Variants in RALYL observed in about 807,000 individuals in gnomAD.
RALYL encodes RALY RNA binding protein like, also known as RNA-binding Raly-like protein.
Under a neutral mutation model 35.1 loss-of-function variants are expected in RALYL, and 29 were observed. The observed-to-expected ratio is 0.83, with a 90% CI of 0.61 to 1.13. The LOEUF is 1.13. RALYL is among the 50% of genes most tolerant of loss of function. RALYL has a pLI of 0.00. For missense variants in RALYL, 359 were observed against 360.4 expected, an observed-to-expected ratio of 1.00 and a Z score of 0.03; for synonymous variants, 120 against 127.6, an observed-to-expected ratio of 0.94 and a Z score of 0.40.
At chr8:84,830,627 T>G (rs1429630017) in intron 4 of RALYL, among the ~76,000 whole-genome samples, 1 of 152,182 alleles carries the variant, frequency 6.6e-6, no homozygotes, top group Admixed American at 6.6e-5. Context: ...GTAAATAATA[T>G]TTATATGGTT....
At chr8:84,698,447 T>C (rs943747164) in intron 2 of RALYL, among the ~76,000 whole-genome samples, 2 of 152,138 alleles carry the variant, frequency 1.3e-5, no homozygotes, top group Non-Finnish European at 2.9e-5. Flanking sequence ...ATATATTCTT[T>C]GAAGCAGAAT....
At chr8:84,365,548 CAGCACTGCCACTGATATCT>C (rs1160682879) in intron 1 of RALYL, among the ~76,000 whole-genome samples, 2 of 152,166 alleles carry the variant, frequency 1.3e-5, no homozygotes, top group Admixed American at 6.6e-5. Context: ...AAATTACTGG[CAGCACTGCCACTGATATCT>C]AGCACTACCA....
At chr8:84,473,232 A>C (rs1262472171) in intron 1 of RALYL, among the ~76,000 whole-genome samples, 1 of 152,012 alleles carries the variant, frequency 6.6e-6, no homozygotes, top group African/African-American at 2.4e-5. Flanking sequence ...TTTAAATTAC[A>C]TATGTAAAAG....
intron 2 of RALYL, among the ~76,000 whole-genome samples, chr8:84,638,287 A>C (rs1480759757): frequency 6.6e-6 from 1 of 151,974 alleles, no homozygotes; most frequent in Non-Finnish European, 1.5e-5. Context: ...CAACCTATCA[A>C]AACTTCTGGG....
chr8:84,895,469 G>T (rs2135504813), intron 8 of RALYL, among the ~76,000 whole-genome samples: 1 of 151,724 alleles, frequency 6.6e-6, no homozygotes, highest in Non-Finnish European at 1.5e-5. Context: ...CGTTTTTATT[G>T]TAGGGCATTT....
chr8:84,198,828 C>T (rs541466262), intron 1 of RALYL, among the ~76,000 whole-genome samples: 11 of 152,172 alleles, frequency 7.2e-5, no homozygotes, highest in African/African-American at 2.7e-4. Context: ...GACAGGAACT[C>T]ATTCTTTTCT....
intron 2 of RALYL, among the ~76,000 whole-genome samples, chr8:84,722,960 A>G (rs953800115): frequency 1.3e-5 from 2 of 151,934 alleles, no homozygotes; most frequent in Admixed American, 6.6e-5. Flanking sequence ...GAAATTTCAC[A>G]GGACACAAAA....
At chr8:84,615,182 T>C (rs759026431) in intron 2 of RALYL, among the ~76,000 whole-genome samples, 1 of 151,770 alleles carries the variant, frequency 6.6e-6, no homozygotes, top group African/African-American at 2.4e-5. Flanking sequence ...CTAAAATGAA[T>C]TGTTACTTTT....
At chr8:84,278,568 G>A (rs762975276) in intron 1 of RALYL, among the ~76,000 whole-genome samples, 2 of 152,062 alleles carry the variant, frequency 1.3e-5, no homozygotes, top group Non-Finnish European at 2.9e-5. Flanking sequence ...AAAATTCCAT[G>A]CCTTGCTTTC....
At chr8:84,435,616 G>A (rs2047631202) in intron 1 of RALYL, among the ~76,000 whole-genome samples, 1 of 152,032 alleles carries the variant, frequency 6.6e-6, no homozygotes, top group South Asian at 2.1e-4. Flanking sequence ...CATGTGAAGT[G>A]CTGTGCTTAA....
At chr8:84,546,959 A>T (rs201190495) in intron 2 of RALYL, among the ~76,000 whole-genome samples, 21 of 151,952 alleles carry the variant, frequency 1.4e-4, no homozygotes, top group Non-Finnish European at 2.2e-4. Flanking sequence ...TCTAATTTTA[A>T]TTTTTTTAAT....
chr8:84,541,751 C>T (rs973871254), intron 2 of RALYL, among the ~76,000 whole-genome samples: 1 of 152,020 alleles, frequency 6.6e-6, no homozygotes, highest in African/African-American at 2.4e-5. Context: ...TAAATACAAA[C>T]TTGGAATTGG....
At chr8:84,206,024 A>C (rs1399031715) in intron 1 of RALYL, among the ~76,000 whole-genome samples, 1 of 152,052 alleles carries the variant, frequency 6.6e-6, no homozygotes, top group East Asian at 1.9e-4. Flanking sequence ...ATATGTGTAC[A>C]CCAGTCTTAT....
intron 1 of RALYL, among the ~76,000 whole-genome samples, chr8:84,307,973 T>C (rs903838665): frequency 2.6e-5 from 4 of 151,818 alleles, no homozygotes; most frequent in African/African-American, 9.7e-5. Context: ...CTATTTCCAT[T>C]AGCTGTTAAG....
Position 84,921,792 on chromosome 8 carries a change from T to C in RALYL, c.*881T>C, listed in dbSNP as rs1849336897. On this transcript the variant is annotated 3_prime_UTR_variant, in exon 9 of 9. Coordinates refer to ENST00000521268, the MANE Select transcript of RALYL (RefSeq NM_173848.7). ...TGGAAGAAACCATCTTCACAGACCG[T>C]AGGAGAATTCAACATATAATTTCTT... is the stretch of plus-strand genomic sequence containing the variant. 6.6e-6 allele frequency: 1 copy of C among 152,218 alleles called. No individual in the cohort carries two copies. The highest frequency in any genetic ancestry group is 1.5e-5 in the Non-Finnish European group (1 of 68,008). The allele number at this position is 152,218 out of a possible 1,614,324, so 9.4% of individuals were successfully genotyped here.
At chr8:84,408,337 G>A (rs1393158642) in intron 1 of RALYL, among the ~76,000 whole-genome samples, 1 of 152,058 alleles carries the variant, frequency 6.6e-6, no homozygotes, top group Non-Finnish European at 1.5e-5. Context: ...AAAAAACCTA[G>A]CATACTCTAA....
At chr8:84,572,975 C>A (rs565040556) in intron 2 of RALYL, among the ~76,000 whole-genome samples, 2 of 151,388 alleles carry the variant, frequency 1.3e-5, no homozygotes, top group East Asian at 3.9e-4. Flanking sequence ...TTAAAATTTG[C>A]AACTTTATAT....
At chr8:84,765,711 T>C (rs1813761749) in intron 2 of RALYL, among the ~76,000 whole-genome samples, 1 of 152,132 alleles carries the variant, frequency 6.6e-6, no homozygotes, top group Admixed American at 6.5e-5. Context: ...CCTGAATTTT[T>C]ATTCAATGGA....
intron 2 of RALYL, among the ~76,000 whole-genome samples, chr8:84,634,229 C>A (rs1325584107): frequency 6.6e-6 from 1 of 151,754 alleles, no homozygotes; most frequent in East Asian, 1.9e-4. Flanking sequence ...CTAAACATAT[C>A]TCTTCACTTA....
Sources: gnomAD v4.1 joint callset for allele counts (sites outside exome capture counted in the v4.1 genomes callset) on GRCh38, gnomAD v4.1.1 for gene constraint, MANE v1.5 for transcripts, NCBI Gene and HGNC (gene_info 2026-07-23, HGNC 2026-07-21) for gene names.